The following DAB1 variants were observed in gnomAD, a reference collection of about 807,000 sequenced individuals.
The protein encoded by DAB1 is disabled homolog 1.
In DAB1, 15 loss-of-function variants were observed where a neutral mutation model predicts 64.6. The ratio of observed to expected loss-of-function variants is 0.23; its 90% CI spans 0.16 to 0.36. DAB1 has a LOEUF of 0.36. DAB1 is among the 10% of genes least tolerant of loss of function. The pLI, the probability that DAB1 is intolerant of heterozygous loss-of-function variation, is 1.00. For missense variants in DAB1, 596 were observed against 706.7 expected (o/e 0.84, Z 1.78); for synonymous variants, 235 against 251.9 (o/e 0.93, Z 0.64).
chr1:57,720,269 C>A (rs972021207), intron 6 of DAB1, among the ~76,000 whole-genome samples: 1 of 152,200 alleles, frequency 6.6e-6, no homozygotes, highest in African/African-American at 2.4e-5. Context: ...CCATTCCCTA[C>A]TCAAAGCAAT....
chr1:57,753,025 C>T (rs1209661453), intron 6 of DAB1, among the ~76,000 whole-genome samples: 1 of 152,100 alleles, frequency 6.6e-6, no homozygotes, highest in Non-Finnish European at 1.5e-5. Flanking sequence ...CCTGTGTTCC[C>T]CGGGGCTGGA....
intron 3 of DAB1, among the ~76,000 whole-genome samples, chr1:58,483,593 T>C (rs1283229225): frequency 6.6e-6 from 1 of 152,186 alleles, no homozygotes; most frequent in African/African-American, 2.4e-5. Context: ...ATCTAGTGAG[T>C]GTTAAGTAAA....
chr1:57,243,476 TGTGTGTGTGTATGCAC>T (rs1553160177), intron 2 of DAB1, among the ~76,000 whole-genome samples: 1 of 151,348 alleles, frequency 6.6e-6, no homozygotes, highest in Non-Finnish European at 1.5e-5. Context: ...ATGAGATGCA[TGTGTGTGTGTATGCAC>T]GTGTGTGTGC....
chr1:57,865,839 C>A (rs933647150), intron 1 of DAB1, among the ~76,000 whole-genome samples: 1 of 152,320 alleles, frequency 6.6e-6, no homozygotes, highest in Middle Eastern at 3.4e-3. Flanking sequence ...TGAGCTGCTA[C>A]AACAAAATGC....
At chr1:58,157,532 T>C (rs1655288150) in intron 4 of DAB1, among the ~76,000 whole-genome samples, 1 of 152,142 alleles carries the variant, frequency 6.6e-6, no homozygotes, top group Non-Finnish European at 1.5e-5. Context: ...GGGTGGCTGG[T>C]CCCAAGAGGC....
intron 5 of DAB1, chr1:58,084,522 C>G (rs1650184853): frequency 5.2e-6 from 1 of 190,918 alleles, no homozygotes; most frequent in South Asian, 1.3e-4. Context: ...TAGTCTGCAG[C>G]AAGAGCTGTG....
chr1:58,498,715 TAC>T (rs1396482407), intron 3 of DAB1, among the ~76,000 whole-genome samples: 6 of 152,222 alleles, frequency 3.9e-5, no homozygotes, highest in African/African-American at 1.4e-4. Context: ...TGTAACATAT[TAC>T]AGTTTCCCTC....
chr1:57,938,849 C>G (rs1041420813), intron 5 of DAB1, among the ~76,000 whole-genome samples: 6 of 151,964 alleles, frequency 3.9e-5, no homozygotes, highest in African/African-American at 1.5e-4. Context: ...TGCCATCTGC[C>G]TCTTCTGGGG....
At chr1:57,558,057 C>T (rs1313718531) in intron 7 of DAB1, among the ~76,000 whole-genome samples, 2 of 152,094 alleles carry the variant, frequency 1.3e-5, no homozygotes, top group Admixed American at 6.5e-5. Context: ...CAGATCTCTA[C>T]TGTTAAAGTG....
chr1:57,512,574 C>A (rs376711523), intron 7 of DAB1, among the ~76,000 whole-genome samples: 2 of 152,168 alleles, frequency 1.3e-5, no homozygotes, highest in Non-Finnish European at 2.9e-5. Flanking sequence ...AACACAGTAC[C>A]AGCAATTACT....
intron 5 of DAB1, among the ~76,000 whole-genome samples, chr1:57,961,567 G>A (rs950982736): frequency 5.3e-5 from 8 of 152,184 alleles, no homozygotes; most frequent in Non-Finnish European, 1.0e-4. Context: ...CTGGATTTAT[G>A]AGGGTTGAAA....
chr1:57,863,738 A>G (rs559256634), intron 1 of DAB1, among the ~76,000 whole-genome samples: 1 of 152,338 alleles, frequency 6.6e-6, no homozygotes, highest in Non-Finnish European at 1.5e-5. Context: ...GCATTTAAAG[A>G]GGAGAAAAAG....
chr1:58,096,494 T>C (rs1010065822), intron 5 of DAB1, among the ~76,000 whole-genome samples: 1 of 152,244 alleles, frequency 6.6e-6, no homozygotes, highest in African/African-American at 2.4e-5. Flanking sequence ...GTGTGTGCGC[T>C]TATTTACACG....
At chr1:57,070,775 G>A (rs1187124901) in intron 7 of DAB1, 2 of 515,400 alleles carry the variant, frequency 3.9e-6, no homozygotes, top group Non-Finnish European at 7.2e-6. Context: ...AGACTGTGAA[G>A]GGGGCCGAGG....
chr1:57,566,588 G>C (rs1452497752), intron 7 of DAB1, among the ~76,000 whole-genome samples: 1 of 152,072 alleles, frequency 6.6e-6, no homozygotes, highest in East Asian at 1.9e-4. Flanking sequence ...AAATGATAAA[G>C]GGGATATCAC....
chr1:57,478,195 C>T (rs1019002525), intron 7 of DAB1, among the ~76,000 whole-genome samples: 1 of 152,044 alleles, frequency 6.6e-6, no homozygotes, highest in Non-Finnish European at 1.5e-5. Flanking sequence ...CTAGTAAATG[C>T]GCTAACTGTA....
intron 5 of DAB1, among the ~76,000 whole-genome samples, chr1:57,906,516 G>A (rs916692250): frequency 5.9e-5 from 9 of 152,112 alleles, no homozygotes; most frequent in Non-Finnish European, 1.0e-4. Context: ...CAATCAGGCC[G>A]CCCAGCTGTG....
At chr1:58,136,429 G>A (rs1653949452) in intron 5 of DAB1, among the ~76,000 whole-genome samples, 2 of 152,180 alleles carry the variant, frequency 1.3e-5, no homozygotes, top group Non-Finnish European at 2.9e-5. Flanking sequence ...TAGGGCATCA[G>A]TGTCCAGTGG....
Position 57,962,535 on chromosome 1 carries a change from G to T in DAB1, n.388-78373C>A, listed in dbSNP as rs61486945. 2.9e-3 allele frequency among the ~76,000 whole-genome samples: 442 copies of T among 152,212 alleles called. 1 individual carries two copies. The highest frequency in any genetic ancestry group is 0.01 in the African/African-American group (430 of 41,530). On this transcript the variant is annotated intron_variant and non_coding_transcript_variant, in intron 5 of 20. Coordinates refer to the DAB1 transcript ENST00000485760. Reference sequence around the variant, plus strand: ...CTAGTGCCTAGCTCATCACTGAAATGTTGGTTCAGGCTCCCCAAGAAAATG... The same window carrying T: ...CTAGTGCCTAGCTCATCACTGAAATTTTGGTTCAGGCTCCCCAAGAAAATG...
Sources: gnomAD v4.1 joint callset for allele counts (sites outside exome capture counted in the v4.1 genomes callset) on GRCh38, gnomAD v4.1.1 for gene constraint, MANE v1.5 for transcripts, NCBI Gene and HGNC (gene_info 2026-07-23, HGNC 2026-07-21) for gene names.